The following ADGB variants were observed in gnomAD, a reference collection of about 807,000 sequenced individuals.
ADGB encodes androglobin.
In ADGB, 172 loss-of-function variants were observed where a neutral mutation model predicts 210.5. The observed-to-expected ratio is 0.82, with a 90% CI of 0.72 to 0.93. The LOEUF (loss-of-function observed/expected upper bound fraction) is 0.93. Ranked by LOEUF, ADGB falls within the 40% of genes least tolerant of loss-of-function variation. The pLI is 0.00. For synonymous variants in ADGB, 658 were observed against 662.7 expected, an observed-to-expected ratio of 0.99 and a Z score of 0.11; for missense variants, 2,025 against 1,964.8, an observed-to-expected ratio of 1.03 and a Z score of -0.58.
intron 12 of ADGB, among the ~76,000 whole-genome samples, chr6:146,695,104 G>A (rs909818370): frequency 1.3e-5 from 2 of 152,064 alleles, no homozygotes; most frequent in Non-Finnish European, 2.9e-5. Context: ...TCTAACAGAG[G>A]GACCTCAAGG....
At chr6:146,735,797 C>A (rs1479301313) in intron 22 of ADGB, among the ~76,000 whole-genome samples, 3 of 152,074 alleles carry the variant, frequency 2.0e-5, no homozygotes, top group Non-Finnish European at 4.4e-5. Flanking sequence ...TTTCACTCAA[C>A]ATATATTTAT....
At chr6:146,673,651 C>T (rs1346885182) in intron 8 of ADGB, among the ~76,000 whole-genome samples, 1 of 151,970 alleles carries the variant, frequency 6.6e-6, no homozygotes, top group Non-Finnish European at 1.5e-5. Context: ...CATATTTTTC[C>T]TATTTAAAAA....
Position 146,774,756 on chromosome 6 carries a change from C to G in ADGB, c.3862+5625C>G, listed in dbSNP as rs142745822. Among the ~76,000 whole-genome samples the G allele has an allele frequency of 1.3e-4, 20 of 152,240 alleles. No individual in the cohort carries two copies. In the East Asian group the frequency reaches 2.9e-3, roughly 22 times the overall value. On this transcript the variant is annotated intron_variant, in intron 29 of 35. Coordinates refer to ENST00000397944, the MANE Select transcript of ADGB (RefSeq NM_024694.4). ...TTTGAAGTGCATGATGTATTTCACA[C>G]ATCAGTTACTCCATACATAGAAAAA...
At chr6:146,739,948 C>T (rs531439095) in intron 23 of ADGB, among the ~76,000 whole-genome samples, 15 of 152,340 alleles carry the variant, frequency 9.8e-5, no homozygotes, top group African/African-American at 3.6e-4. Flanking sequence ...CTCCCTTATA[C>T]ACTCAGAAAT....
At chr6:146,696,633 T>C (rs1333524803) in intron 12 of ADGB, among the ~76,000 whole-genome samples, 1 of 152,164 alleles carries the variant, frequency 6.6e-6, no homozygotes, top group African/African-American at 2.4e-5. Context: ...AAAACAAAGA[T>C]ACTATTGAAA....
intron 9 of ADGB, among the ~76,000 whole-genome samples, chr6:146,677,313 G>A (rs1361178001): frequency 6.6e-6 from 1 of 151,924 alleles, no homozygotes; most frequent in African/African-American, 2.4e-5. Context: ...CCAGAGTGCA[G>A]GTTATCATTT....
intron 1 of ADGB, among the ~76,000 whole-genome samples, chr6:146,604,775 A>G (rs1780608298): frequency 1.3e-5 from 2 of 152,178 alleles, no homozygotes; most frequent in Admixed American, 1.3e-4. Context: ...AGAAGTAACT[A>G]GGAAATATAG....
chr6:146,622,642 A>G (rs987575461), intron 1 of ADGB, among the ~76,000 whole-genome samples: 5 of 152,090 alleles, frequency 3.3e-5, no homozygotes, highest in Non-Finnish European at 5.9e-5. Flanking sequence ...TACCAGGTAT[A>G]TACTTTTCGA....
chr6:146,772,023 T>C (rs899342039), intron 29 of ADGB, among the ~76,000 whole-genome samples: 29 of 152,324 alleles, frequency 1.9e-4, no homozygotes, highest in African/African-American at 7.0e-4. Flanking sequence ...TAATAGCGTG[T>C]TATACCTGTC....
Position 146,620,082 on chromosome 6 carries a change from T to C in ADGB, c.75-15293T>C, listed in dbSNP as rs75734462. On this transcript the variant is annotated intron_variant, in intron 1 of 35. Transcript: ENST00000397944. ...TTTGGCAGTATTTTTTCTTCAGCAC[T>C]TTGAATATCACATTCCAGTCTCTCC... 6.0e-3 allele frequency among the ~76,000 whole-genome samples: 913 copies of C among 152,264 alleles called. 5 individuals are homozygous for C. The highest frequency in any genetic ancestry group is 0.016 in the South Asian group (76 of 4,828).
chr6:146,677,547 C>G (rs1295559942), intron 9 of ADGB, among the ~76,000 whole-genome samples: 1 of 151,930 alleles, frequency 6.6e-6, no homozygotes, highest in East Asian at 1.9e-4. Flanking sequence ...TATATTGATG[C>G]CTTAAGCAAT....
At chr6:146,710,742 A>C (rs1776647189) in intron 13 of ADGB, among the ~76,000 whole-genome samples, 1 of 152,190 alleles carries the variant, frequency 6.6e-6, no homozygotes, top group Non-Finnish European at 1.5e-5. Flanking sequence ...AAAGAGACAA[A>C]GATTATCCAG....
chr6:146,621,559 G>A (rs1780896519), intron 1 of ADGB, among the ~76,000 whole-genome samples: 1 of 152,094 alleles, frequency 6.6e-6, no homozygotes, highest in Admixed American at 6.6e-5. Flanking sequence ...GAGAGGGGCT[G>A]GCACAGTCTA....
At chr6:146,744,051 A>G (rs12202155) in intron 25 of ADGB, among the ~76,000 whole-genome samples, 29,238 of 152,154 alleles carry the variant, frequency 0.19, 3,422 homozygotes, top group Middle Eastern at 0.29. Flanking sequence ...CATTTATCCA[A>G]ACAACCTTTG....
At chr6:146,693,722 C>A (rs1399418424) in intron 12 of ADGB, among the ~76,000 whole-genome samples, 1 of 152,070 alleles carries the variant, frequency 6.6e-6, no homozygotes, top group Non-Finnish European at 1.5e-5. Flanking sequence ...TAGCATTTTA[C>A]TATAAGGAGT....
At position 146,728,576 on chromosome 6, in the gene ADGB, G is replaced by T. The variant is rs1218400566; in HGVS notation, c.2355G>T (p.Glu785Asp). The change falls in exon 20 of 36, where the codon GAG becomes GAT. Residue 785 changes from glutamate (E) to aspartate (D), a missense_variant and splice_region_variant. Glu to Asp is a conservative substitution (Grantham distance 45). Transcript: ENST00000397944. ...GCTGCCATGCTTTGTCTTCACAGGA[G>T]AGCTGCCGATTTACGGAACAGTCTC... is the stretch of plus-strand genomic sequence containing the variant. ...EHVVLPNFEP[E>D]SCRFTEQSLL... The T allele has an allele frequency of 2.6e-6, 4 of 1,551,016 alleles. No individual in the cohort carries two copies. Among genetic ancestry groups the T allele is most frequent in the Non-Finnish European group, 3.5e-6 (4 of 1,146,484 alleles).
chr6:146,666,932 T>C lies in ADGB; in HGVS notation c.839+30T>C, dbSNP rs555207846. On this transcript the variant is annotated intron_variant, in intron 7 of 35. Transcript: ENST00000397944. ...GTTTGACTATTAAATTGCTCATATCTATTTTTTTTATCTTCCCAAGATTTC... is the reference window on the plus strand; with the variant it reads ...GTTTGACTATTAAATTGCTCATATCCATTTTTTTTATCTTCCCAAGATTTC... The C allele has an allele frequency of 3.3e-5, 47 of 1,439,254 alleles. 2 individuals are homozygous for C. In the South Asian group the frequency reaches 3.9e-4, roughly 12 times the overall value. The allele number at this position is 1,439,254 out of a possible 1,614,324, so 89.2% of individuals were successfully genotyped here.
chr6:146,710,622 T>C (rs1280894287), intron 13 of ADGB, among the ~76,000 whole-genome samples: 6 of 152,016 alleles, frequency 3.9e-5, no homozygotes, highest in Non-Finnish European at 7.4e-5. Flanking sequence ...ACAAATCTAT[T>C]AGTGTTAATT....
chr6:146,784,581 G>A, intron 30 of ADGB, 37 bp from the exon 31 acceptor site: 1 of 1,446,970 alleles, frequency 6.9e-7, no homozygotes, highest in South Asian at 1.5e-5. Flanking sequence ...TTGAAAGAAG[G>A]AAAGCATGCA....
Sources: allele counts gnomAD v4.1 joint callset (sites outside exome capture counted in the v4.1 genomes callset), GRCh38; gene constraint gnomAD v4.1.1; transcripts MANE v1.5; gene names NCBI Gene and HGNC (gene_info 2026-07-23, HGNC 2026-07-21).